Variants in KLKB1 observed in about 807,000 individuals in gnomAD.
KLKB1 encodes the protein plasma kallikrein.
Under a neutral mutation model 73.6 loss-of-function variants are expected in KLKB1, and 58 were observed. The ratio of observed to expected loss-of-function variants is 0.79; its 90% CI spans 0.64 to 0.98. The LOEUF is 0.98. KLKB1 is among the 50% of genes least tolerant of loss of function. KLKB1 has a pLI of 0.00. For missense variants in KLKB1, 737 were observed against 763.8 expected (o/e 0.96, Z 0.41); for synonymous variants, 280 against 258.1 (o/e 1.08, Z -0.81).
At chr4:186,252,946 G>T (rs963503208) in intron 11 of KLKB1, among the ~76,000 whole-genome samples, 1 of 152,158 alleles carries the variant, frequency 6.6e-6, no homozygotes, top group African/African-American at 2.4e-5. Flanking sequence ...GACATGTTAG[G>T]TAAGTCTTAA....
chr4:186,239,863 T>G (rs1737921436), intron 6 of KLKB1, among the ~76,000 whole-genome samples: 1 of 147,472 alleles, frequency 6.8e-6, no homozygotes, highest in South Asian at 2.3e-4. Flanking sequence ...TATAGGACAG[T>G]GATATTGTTA....
chr4:186,245,543 G>A (rs1297543357), intron 6 of KLKB1, among the ~76,000 whole-genome samples: 2 of 152,166 alleles, frequency 1.3e-5, no homozygotes, highest in South Asian at 4.1e-4. Context: ...GCATTCCTTG[G>A]CCCATTGGCC....
At chr4:186,232,410 A>G in intron 3 of KLKB1, 121 bp downstream of exon 3, 5 of 897,752 alleles carry the variant, frequency 5.6e-6, no homozygotes, top group Non-Finnish European at 9.0e-6. Flanking sequence ...CAGCTTCAGC[A>G]AAATCCCGTC....
At chr4:186,232,934 T>TGA (rs1319693984) in intron 3 of KLKB1, among the ~76,000 whole-genome samples, 1 of 152,174 alleles carries the variant, frequency 6.6e-6, no homozygotes, top group East Asian at 1.9e-4. Flanking sequence ...TGTGTGTGTG[T>TGA]GATGGAGTCT....
intron 11 of KLKB1, among the ~76,000 whole-genome samples, chr4:186,253,960 T>C (rs1738845533): frequency 6.6e-6 from 1 of 152,022 alleles, no homozygotes; most frequent in South Asian, 2.1e-4. Flanking sequence ...CTCAGCCTCC[T>C]GAGTAGCTGG....
At chr4:186,226,421 G>A (rs1397812360), upstream of KLKB1, 1 of 152,336 alleles carries the variant, frequency 6.6e-6, no homozygotes, top group African/African-American at 2.4e-5. Flanking sequence ...TCACTAGTCA[G>A]ATTGACCAGA....
chr4:186,220,727 T>C (rs1737015983), intron 2 of KLKB1, among the ~76,000 whole-genome samples: 1 of 152,246 alleles, frequency 6.6e-6, no homozygotes, highest in Non-Finnish European at 1.5e-5. Flanking sequence ...CTTCAGGATT[T>C]CTGGATCTAT....
chr4:186,228,096 A>G, intron 1 of KLKB1, 99 bp from the exon 2 acceptor site: 1 of 752,682 alleles, frequency 1.3e-6, no homozygotes, highest in Non-Finnish European at 2.4e-6. Context: ...TTTGTCTTGC[A>G]ATTCAGACAT....
chr4:186,257,749 G>A (rs1363660765), intron 14 of KLKB1, among the ~76,000 whole-genome samples: 1 of 101,318 alleles, frequency 9.9e-6, no homozygotes, highest in African/African-American at 3.2e-5. Flanking sequence ...GAGTGAGTGT[G>A]TGTGTGTGTG....
In KLKB1 at chr4:186,250,415, G is replaced by T; in HGVS notation, c.758+13G>T. The T allele has an allele frequency of 6.2e-7, 1 of 1,613,564 alleles. No individual in the cohort carries two copies. The highest frequency in any genetic ancestry group is 1.1e-5 in the South Asian group (1 of 91,074). ...TCGAGTCACAAAGGCGAGTATGCATGGAAAATCGCATCACAAAGGCGAGTA... is the reference window on the plus strand; with the variant it reads ...TCGAGTCACAAAGGCGAGTATGCATTGAAAATCGCATCACAAAGGCGAGTA... On this transcript the variant is annotated intron_variant, in intron 7 of 14. Transcript: ENST00000264690.
At chr4:186,249,469 T>C (rs1738552712) in intron 6 of KLKB1, among the ~76,000 whole-genome samples, 9 of 152,238 alleles carry the variant, frequency 5.9e-5, no homozygotes, top group Admixed American at 5.9e-4. Flanking sequence ...CCTGTTGACC[T>C]ATATATGCCT....
intron 2 of KLKB1, chr4:186,213,516 TAGAG>T (rs72647306): frequency 1.3e-5 from 2 of 152,328 alleles, no homozygotes; most frequent in African/African-American, 4.8e-5. Context: ...ACTGTTGTCA[TAGAG>T]AGATTGTGAA....
intron 4 of KLKB1, among the ~76,000 whole-genome samples, chr4:186,235,524 G>A (rs1211223169): frequency 2.0e-5 from 3 of 152,066 alleles, no homozygotes; most frequent in East Asian, 3.9e-4. Context: ...AAGAGACTTC[G>A]TTTCCACAGT....
chr4:186,247,753 A>G (rs1387575500), intron 6 of KLKB1, among the ~76,000 whole-genome samples: 1 of 152,232 alleles, frequency 6.6e-6, no homozygotes, highest in Non-Finnish European at 1.5e-5. Flanking sequence ...TCTGTTTTAC[A>G]TGAATCCCTT....
intron 4 of KLKB1, among the ~76,000 whole-genome samples, chr4:186,235,837 C>T (rs574497830): frequency 3.3e-5 from 5 of 151,994 alleles, no homozygotes; most frequent in Non-Finnish European, 5.9e-5. Context: ...AAAAAGAGGC[C>T]GGGCGCGGTG....
At position 186,228,228 on chromosome 4, in the gene KLKB1, T is replaced by G; in HGVS notation, c.33T>G (p.Ile11Met). Residue 11 changes from isoleucine to methionine, a missense_variant, in exon 2 of 15, where the codon ATT becomes ATG. By Grantham distance (10) the Ile-to-Met change is conservative. Transcript: ENST00000264690. ...TATTCAAGCAAGCAACTTATTTCAT[T>G]TCCTTGTTTGCTACAGTTTCCTGTG... Reference protein sequence around the residue: MILFKQATYFISLFATVSCGC... With the variant: MILFKQATYFMSLFATVSCGC... The G allele has an allele frequency of 6.3e-7, 1 of 1,594,272 alleles. No individual in the cohort carries two copies. Among genetic ancestry groups the G allele is most frequent in the African/African-American group, 1.3e-5 (1 of 74,654 alleles).
At chr4:186,246,516 T>C (rs1738364014) in intron 6 of KLKB1, among the ~76,000 whole-genome samples, 3 of 152,240 alleles carry the variant, frequency 2.0e-5, no homozygotes, top group Admixed American at 2.0e-4. Context: ...TCTGGCTATT[T>C]GGAACCATTG....
chr4:186,215,669 G>A (rs778557078), intron 2 of KLKB1, among the ~76,000 whole-genome samples: 6 of 152,008 alleles, frequency 3.9e-5, no homozygotes, highest in South Asian at 4.1e-4. Context: ...CACCTACTGC[G>A]CTCAAGGGAT....
upstream of KLKB1, among the ~76,000 whole-genome samples, chr4:186,224,182 A>T (rs1737097727): frequency 6.6e-6 from 1 of 152,250 alleles, no homozygotes; most frequent in South Asian, 2.1e-4. Flanking sequence ...TCCAGGCAGA[A>T]GCCTGCTGCA....
Sources: allele counts gnomAD v4.1 joint callset (sites outside exome capture counted in the v4.1 genomes callset), GRCh38; gene constraint gnomAD v4.1.1; transcripts MANE v1.5; gene names NCBI Gene and HGNC (gene_info 2026-07-23, HGNC 2026-07-21).